TBC1D19: variants seen among roughly 807,000 people sequenced by gnomAD.
TBC1D19 encodes the protein TBC1 domain family, member 19.
Under a neutral mutation model 89.0 loss-of-function variants are expected in TBC1D19, and 60 were observed. The observed-to-expected ratio is 0.67, with a 90% CI of 0.55 to 0.84. The LOEUF (loss-of-function observed/expected upper bound fraction) is 0.84. Among genes scored for constraint, TBC1D19 ranks in the 40% least tolerant of loss-of-function variants. The pLI is 0.00. For synonymous variants in TBC1D19, 189 were observed against 199.7 expected (o/e 0.95, Z 0.45); for missense variants, 500 against 610.8 (o/e 0.82, Z 1.91).
chr4:26,751,461 G>A lies in TBC1D19; in HGVS notation c.1436-2359G>A, dbSNP rs1317632327. On this transcript the variant is annotated intron_variant, in intron 19 of 20. Transcript: ENST00000264866. ...AATATGATTCCAGATATTAGGAAGT[G>A]GTAAAAAATTGTTGGTCTACAGAAA... Among the ~76,000 whole-genome samples, 3 of 152,142 alleles carry A rather than the reference G, an allele frequency of 2.0e-5. No individual in the cohort carries two copies. The East Asian group carries it at 5.8e-4, about 29-fold the overall frequency.
intron 13 of TBC1D19, among the ~76,000 whole-genome samples, chr4:26,709,889 G>T (rs570402145): frequency 2.0e-4 from 31 of 151,732 alleles, no homozygotes; most frequent in African/African-American, 7.0e-4. Flanking sequence ...AGTTTTATTC[G>T]CCTTTTATAG....
chr4:26,786,384 C>T, the TBC1D19 span, among the ~76,000 whole-genome samples: 45 of 152,204 alleles, frequency 3.0e-4, no homozygotes, highest in South Asian at 8.3e-3. Context: ...CCTGTAATCC[C>T]GGCCCTTTGG....
intron 7 of TBC1D19, among the ~76,000 whole-genome samples, chr4:26,641,116 C>G (rs1743481602): frequency 6.6e-6 from 1 of 152,226 alleles, no homozygotes; most frequent in Non-Finnish European, 1.5e-5. Flanking sequence ...GTCCCTGACC[C>G]CCGTGTAGCC....
At chr4:26,763,532 G>A in the TBC1D19 span, among the ~76,000 whole-genome samples, 1 of 152,116 alleles carries the variant, frequency 6.6e-6, no homozygotes, top group Non-Finnish European at 1.5e-5. Flanking sequence ...GAGTTGTCCC[G>A]CCTTTCTGGA....
intron 7 of TBC1D19, among the ~76,000 whole-genome samples, chr4:26,647,406 AT>A (rs1744051613): frequency 6.6e-6 from 1 of 152,196 alleles, no homozygotes; most frequent in African/African-American, 2.4e-5. Flanking sequence ...ATGTAATCCT[AT>A]TATATTTATC....
intron 1 of TBC1D19, among the ~76,000 whole-genome samples, chr4:26,606,050 T>A (rs1740979102): frequency 6.6e-6 from 1 of 152,238 alleles, no homozygotes; most frequent in Non-Finnish European, 1.5e-5. Context: ...AGTCTCACTG[T>A]GTTGCCCAGG....
intron 11 of TBC1D19, 94 bp downstream of exon 11, chr4:26,673,982 A>C: frequency 1.5e-6 from 1 of 665,260 alleles, no homozygotes; most frequent in Middle Eastern, 2.6e-4. Flanking sequence ...TTTGTTTCTT[A>C]ATCTATTATT....
the TBC1D19 span, among the ~76,000 whole-genome samples, chr4:26,779,548 C>T: frequency 6.6e-6 from 1 of 152,216 alleles, no homozygotes; most frequent in African/African-American, 2.4e-5. Context: ...CCCTGGGTTC[C>T]TGTCTCCAGG....
At chr4:26,813,900 C>T in the TBC1D19 span, among the ~76,000 whole-genome samples, 13 of 152,274 alleles carry the variant, frequency 8.5e-5, no homozygotes, top group South Asian at 2.5e-3. Flanking sequence ...TGTTTCCTCC[C>T]CACTTCAGTG....
chr4:26,852,983 C>G, the TBC1D19 span, among the ~76,000 whole-genome samples: 1 of 152,208 alleles, frequency 6.6e-6, no homozygotes, highest in South Asian at 2.1e-4. Context: ...CATCTCTTGT[C>G]TGGACTGTGC....
chr4:26,764,047 T>C, the TBC1D19 span, among the ~76,000 whole-genome samples: 1 of 152,244 alleles, frequency 6.6e-6, no homozygotes, highest in African/African-American at 2.4e-5. Context: ...TGCCTGTTGT[T>C]TTTCATTTCT....
the TBC1D19 span, among the ~76,000 whole-genome samples, chr4:26,822,216 C>T: frequency 6.6e-6 from 1 of 152,228 alleles, no homozygotes; most frequent in African/African-American, 2.4e-5. Flanking sequence ...AAAAGCCTGG[C>T]TCTGAAGGGA....
At position 26,576,872 on chromosome 4, in the gene TBC1D19, T is replaced by C. The variant is rs568334032; in HGVS notation, c.6+75T>C. ...GAACCTGTTGTATCTGTTGGGATGG[T>C]TAAAATTGTGTGTCAAATTGGCTAG... On this transcript the variant is annotated intron_variant, in intron 1 of 12. Coordinates refer to the TBC1D19 transcript ENST00000512840. 1.1e-5 allele frequency: 5 copies of C among 455,788 alleles called. 1 individual carries two copies. The highest frequency in any genetic ancestry group is 7.8e-5 in the South Asian group (5 of 64,468). 28.2% of individuals were successfully genotyped at this position (455,788 alleles called of 1,614,324 possible).
At chr4:26,712,774 C>A (rs1337075219) in intron 13 of TBC1D19, among the ~76,000 whole-genome samples, 1 of 151,890 alleles carries the variant, frequency 6.6e-6, no homozygotes, top group Admixed American at 6.6e-5. Context: ...TACAAAGAGA[C>A]CAAACATGAG....
At chr4:26,736,842 A>G (rs1331616259) in intron 16 of TBC1D19, among the ~76,000 whole-genome samples, 1 of 152,162 alleles carries the variant, frequency 6.6e-6, no homozygotes, top group Non-Finnish European at 1.5e-5. Flanking sequence ...CAGGCTTGAG[A>G]GCTCTGAGTG....
chr4:26,618,000 G>A (rs1329804098), intron 3 of TBC1D19, among the ~76,000 whole-genome samples: 4 of 152,154 alleles, frequency 2.6e-5, no homozygotes, highest in African/African-American at 4.8e-5. Flanking sequence ...GTAAGTCTTC[G>A]TACACATTCA....
chr4:26,817,979 A>ATATATATATATAT, the TBC1D19 span, among the ~76,000 whole-genome samples: 8 of 107,356 alleles, frequency 7.5e-5, no homozygotes, highest in African/African-American at 3.7e-4. Flanking sequence ...AAAAAAAAAA[A>ATATATATATATAT]AAATATATAT....
chr4:26,814,359 A>G, the TBC1D19 span, among the ~76,000 whole-genome samples: 1 of 152,220 alleles, frequency 6.6e-6, no homozygotes, highest in African/African-American at 2.4e-5. Flanking sequence ...AAATGCAAGG[A>G]ATTCAAGAGC....
intron 4 of TBC1D19, among the ~76,000 whole-genome samples, chr4:26,629,065 C>T (rs1465400084): frequency 6.6e-6 from 1 of 151,990 alleles, no homozygotes; most frequent in African/African-American, 2.4e-5. Flanking sequence ...CCCCAACCTG[C>T]CATGCACATA....
Sources: gnomAD v4.1 joint callset for allele counts (sites outside exome capture counted in the v4.1 genomes callset) on GRCh38, gnomAD v4.1.1 for gene constraint, MANE v1.5 for transcripts, NCBI Gene and HGNC (gene_info 2026-07-23, HGNC 2026-07-21) for gene names.